Variants in MYO1F observed in about 807,000 individuals in gnomAD.
The protein encoded by MYO1F is myosin IF, also known as unconventional myosin-If.
In MYO1F, 60 loss-of-function variants were observed where a neutral mutation model predicts 146.6. The ratio of observed to expected loss-of-function variants is 0.41; its 90% CI spans 0.33 to 0.51. The LOEUF is 0.51. Ranked by LOEUF, MYO1F falls within the 20% of genes least tolerant of loss-of-function variation. The pLI, the probability that MYO1F is intolerant of heterozygous loss-of-function variation, is 0.25. For missense variants in MYO1F, 1,274 were observed against 1,534.3 expected (o/e 0.83, Z 2.83); for synonymous variants, 602 against 602.1 (o/e 1.00, Z 0.00).
chr19:8,564,950 T>G (rs1210673557), intron 1 of MYO1F, among the ~76,000 whole-genome samples: 1 of 151,736 alleles, frequency 6.6e-6, no homozygotes, highest in Non-Finnish European at 1.5e-5. Flanking sequence ...TTTTTGTGTT[T>G]TTAGTAGAGA....
rs1599902049 is a variant in MYO1F, at chr19:8,522,497, G to T, written c.3100C>A (p.Arg1034=). The part of the protein sequence containing the change: ...VGQRPVPGVG[R]PKPQPRTHGP... ...TGTGTCCGAGGCTGGGGCTTGGGTC[G>T]GCCCACACCAGGCACTGGCCGTTGC... The change falls in exon 27 of 28, where the codon CGA becomes AGA. Residue 1034 remains arginine (R), a synonymous_variant. Transcript: ENST00000644032. 3 of 1,613,662 alleles carry T rather than the reference G, an allele frequency of 1.9e-6. No individual in the cohort carries two copies. The African/African-American group carries it at 4.0e-5, about 22-fold the overall frequency.
intron 1 of MYO1F, among the ~76,000 whole-genome samples, chr19:8,558,021 A>G (rs896004539): frequency 6.7e-6 from 1 of 150,298 alleles, no homozygotes; most frequent in Non-Finnish European, 1.5e-5. Context: ...CCTCAGCTCT[A>G]CCCTCTACTC....
At chr19:8,547,311 A>AG (rs912838151) in intron 12 of MYO1F, among the ~76,000 whole-genome samples, 1 of 149,662 alleles carries the variant, frequency 6.7e-6, no homozygotes, top group Non-Finnish European at 1.5e-5. Flanking sequence ...AAAAAAAAAA[A>AG]AAAAAAAAAA....
intron 21 of MYO1F, among the ~76,000 whole-genome samples, chr19:8,529,363 C>G (rs1051723077): frequency 6.6e-6 from 1 of 152,068 alleles, no homozygotes; most frequent in Non-Finnish European, 1.5e-5. Context: ...CTGGGTGTAC[C>G]TGTGGACAGG....
intron 1 of MYO1F, among the ~76,000 whole-genome samples, chr19:8,572,013 G>A (rs1471818028): frequency 4.6e-5 from 7 of 152,224 alleles, no homozygotes; most frequent in East Asian, 3.9e-4. Flanking sequence ...GTAAGCCACC[G>A]CGCCTGGCCT....
At chr19:8,545,077 C>G (rs941576999) in intron 13 of MYO1F, among the ~76,000 whole-genome samples, 5 of 150,150 alleles carry the variant, frequency 3.3e-5, no homozygotes, top group African/African-American at 1.2e-4. Flanking sequence ...CATGTCCCGC[C>G]TAAATACGTC....
intron 1 of MYO1F, chr19:8,576,919 G>A (rs1555733943): frequency 1.7e-5 from 6 of 346,814 alleles, no homozygotes; most frequent in African/African-American, 2.1e-5. Flanking sequence ...GCCAAGAGAG[G>A]GGAAGTGACT....
intron 16 of MYO1F, 136 bp downstream of exon 16, chr19:8,539,811 G>T: frequency 1.3e-6 from 1 of 748,018 alleles, no homozygotes; most frequent in Non-Finnish European, 2.2e-6. Flanking sequence ...AACAGATGAC[G>T]TCACAGTCAG....
At chr19:8,539,826 A>T in intron 16 of MYO1F, 121 bp downstream of exon 16, 1 of 869,100 alleles carries the variant, frequency 1.2e-6, no homozygotes, top group Non-Finnish European at 1.8e-6. Flanking sequence ...AGTCAGAGGC[A>T]GAAGCCCCAG....
intron 12 of MYO1F, among the ~76,000 whole-genome samples, chr19:8,547,552 C>T (rs565392554): frequency 6.2e-5 from 9 of 145,212 alleles, no homozygotes; most frequent in African/African-American, 2.1e-4. Flanking sequence ...TGCAGTGAGC[C>T]GAGATCATGC....
chr19:8,555,960 G>A (rs1973835874), intron 1 of MYO1F, among the ~76,000 whole-genome samples, 164 bp from the exon 2 acceptor site: 1 of 151,054 alleles, frequency 6.6e-6, no homozygotes, highest in African/African-American at 2.4e-5. Flanking sequence ...CAGGCCCCCT[G>A]CCCCAGACAG....
At chr19:8,549,469 C>G (rs2145910054) in intron 10 of MYO1F, 1 of 151,396 alleles carries the variant, frequency 6.6e-6, no homozygotes, top group Admixed American at 6.6e-5. Context: ...AGGGTTTTGC[C>G]ATGTTGCCCA....
At position 8,530,274 on chromosome 19, in the gene MYO1F, G is replaced by T; in HGVS notation, c.2250C>A (p.Pro750=). Residue 750 remains proline, a synonymous_variant, in exon 21 of 28, where the codon CCC becomes CCA. Transcript: ENST00000644032. The surrounding 1 kb of genome is among the most constrained non-coding windows in gnomAD (Gnocchi z 5.8). ...TCTTGCCCAGGAACTGACGCAGCTC[G>T]GGCCGCTCCTCCAGCCCCAGGTAGT... ...VGDYLGLEER[P]ELRQFLGKRE... 1 of 1,614,108 alleles carries T rather than the reference G, an allele frequency of 6.2e-7. No individual in the cohort carries two copies. Among genetic ancestry groups the T allele is most frequent in the Non-Finnish European group, 8.5e-7 (1 of 1,180,006 alleles).
rs377558428 is a variant in MYO1F at position 8,577,432 on chromosome 19, C to T, written c.-123G>A. The T allele has an allele frequency of 3.4e-3, 3,756 of 1,098,642 alleles. 103 individuals carry two copies. The South Asian group carries it at 0.04, about 12-fold the overall frequency. 68.1% of individuals were successfully genotyped at this position (1,098,642 alleles called of 1,614,324 possible). On this transcript the variant is annotated 5_prime_UTR_variant, in exon 1 of 28. Transcript: ENST00000644032. This position sits in a 1 kb window ranked among gnomAD's most constrained non-coding sequence, Gnocchi z 4.3. ...TGCTTCTGCCCGTTCACCGGACTCC[C>T]GGCTTTAGTTCCTCTTACAACAGCC...
At chr19:8,575,062 A>G (rs1478108012) in intron 1 of MYO1F, among the ~76,000 whole-genome samples, 12 of 145,996 alleles carry the variant, frequency 8.2e-5, no homozygotes, top group Non-Finnish European at 1.2e-4. Flanking sequence ...TGCCAACGGC[A>G]TTAGATTTTC....
At chr19:8,536,848 C>G (rs1057314426) in intron 17 of MYO1F, 101 bp downstream of exon 17, 22 of 839,190 alleles carry the variant, frequency 2.6e-5, no homozygotes, top group Non-Finnish European at 4.1e-5. Flanking sequence ...GTGCTAGTCC[C>G]TGGGTCATCC....
At chr19:8,576,021 G>A (rs1380705512) in intron 1 of MYO1F, among the ~76,000 whole-genome samples, 15 of 152,092 alleles carry the variant, frequency 9.9e-5, no homozygotes, top group African/African-American at 3.6e-4. Context: ...TTTTTGAGAC[G>A]GAGTGTGCTC....
intron 1 of MYO1F, among the ~76,000 whole-genome samples, chr19:8,563,400 C>T (rs528923344): frequency 1.3e-5 from 2 of 151,054 alleles, no homozygotes; most frequent in South Asian, 4.2e-4. Context: ...CGGATTCAAG[C>T]GATTCTCATG....
intron 14 of MYO1F, among the ~76,000 whole-genome samples, chr19:8,543,515 T>C (rs28432269): frequency 0.12 from 17,698 of 151,864 alleles, 1,082 homozygotes; most frequent in East Asian, 0.13. Flanking sequence ...ATAGGCAGTC[T>C]GGTACCCAAG....
Sources: allele counts gnomAD v4.1 joint callset (sites outside exome capture counted in the v4.1 genomes callset), GRCh38; gene constraint gnomAD v4.1.1; non-coding constraint Gnocchi (gnomAD v3.1); transcripts MANE v1.5; gene names NCBI Gene and HGNC (gene_info 2026-07-23, HGNC 2026-07-21).